AQR: variants seen among roughly 807,000 people sequenced by gnomAD.
AQR encodes the protein aquarius intron-binding spliceosomal factor.
In AQR, 61 loss-of-function variants were observed where a neutral mutation model predicts 180.5. The ratio of observed to expected loss-of-function variants is 0.34; its 90% CI spans 0.28 to 0.42. AQR has a LOEUF of 0.42. Among genes scored for constraint, AQR ranks in the 10% least tolerant of loss-of-function variants. AQR has a pLI of 1.00. For synonymous variants in AQR, 551 were observed against 588.8 expected, an observed-to-expected ratio of 0.94 and a Z score of 0.93; for missense variants, 1,281 against 1,798.3, an observed-to-expected ratio of 0.71 and a Z score of 5.20.
chr15:34,939,559 G>A lies in AQR; in HGVS notation c.642-746C>T, dbSNP rs138261167. Among the ~76,000 whole-genome samples the A allele has an allele frequency of 4.1e-4, 63 of 152,228 alleles. 1 individual carries two copies. Among genetic ancestry groups the A allele is most frequent in the South Asian group, 2.9e-3 (14 of 4,828 alleles). The stretch of plus-strand genomic sequence containing the variant: ...GTATTACAATAGCTAAAGATCAAAT[G>A]TTTAAAAAATAATTTTCTATTCATT... On this transcript the variant is annotated intron_variant, in intron 8 of 34. Coordinates refer to ENST00000156471, the MANE Select transcript of AQR (RefSeq NM_014691.3).
rs1292991745 is a variant in AQR, at chr15:34,853,533, A to C, written c.*3259T>G. 1 of 152,178 alleles carries C rather than the reference A, an allele frequency of 6.6e-6. No individual in the cohort carries two copies. The highest frequency in any genetic ancestry group is 1.5e-5 in the Non-Finnish European group (1 of 68,034). The allele number at this position is 152,178 out of a possible 1,614,324, so 9.4% of individuals were successfully genotyped here. The stretch of plus-strand genomic sequence containing the variant: ...ATGATGTACTGATTCAGAGGTCCCA[A>C]ATCAGTAACCTGATCCTAGATAGAT... On this transcript the variant is annotated 3_prime_UTR_variant, in exon 35 of 35. Transcript: ENST00000156471.
rs1028256486 is a variant in AQR at position 34,910,123 on chromosome 15, A to T, written c.1663+12T>A. 5 of 1,613,430 alleles carry T rather than the reference A, an allele frequency of 3.1e-6. No homozygotes were observed. In the Admixed American group the frequency reaches 8.3e-5, roughly 27 times the overall value. ...GCAAAAGGTAATGTCACTTTTTGAA[A>T]TACAAACTTACCTTCCCATTCATCT... On this transcript the variant is annotated intron_variant, in intron 17 of 34. Coordinates refer to ENST00000156471, the MANE Select transcript of AQR (RefSeq NM_014691.3).
chr15:34,932,226 G>A (rs746957773), intron 11 of AQR, 92 bp downstream of exon 11: 75 of 1,026,448 alleles, frequency 7.3e-5, no homozygotes, highest in Non-Finnish European at 1.0e-4. Flanking sequence ...CTAGGAGTTT[G>A]TGTTATGCCC....
At chr15:34,885,138 G>GT (rs1893040451) in intron 25 of AQR, among the ~76,000 whole-genome samples, 1 of 152,184 alleles carries the variant, frequency 6.6e-6, no homozygotes, top group Non-Finnish European at 1.5e-5. Flanking sequence ...TCCATATATG[G>GT]TAAGTTCAGC....
chr15:34,906,490 C>A, intron 18 of AQR, 55 bp downstream of exon 18: 2 of 1,560,014 alleles, frequency 1.3e-6, no homozygotes, highest in South Asian at 2.4e-5. Context: ...GGGAAAAAGG[C>A]AAAGAAATTT....
Position 34,884,820 on chromosome 15 carries a change from C to A in AQR, c.2818-86G>T, listed in dbSNP as rs183617079. The A allele has an allele frequency of 5.4e-5, 55 of 1,024,830 alleles. No homozygotes were observed. In the African/African-American group the frequency reaches 7.5e-4, roughly 14 times the overall value. 63.5% of individuals were successfully genotyped at this position (1,024,830 alleles called of 1,614,324 possible). A position where few individuals can be genotyped will look rare whatever the true frequency, so the allele number is the denominator to read the frequency against. The stretch of plus-strand genomic sequence containing the variant: ...TGAATAAATCTTATAAAAACAAGAT[C>A]TGCTAGGTGAAAAAGAAAAAAAAAG... On this transcript the variant is annotated intron_variant, in intron 25 of 34. Transcript: ENST00000156471.
intron 1 of AQR, among the ~76,000 whole-genome samples, chr15:34,965,542 G>A (rs1259979169): frequency 1.3e-5 from 2 of 152,090 alleles, no homozygotes; most frequent in African/African-American, 2.4e-5. Flanking sequence ...TTGGTGGTGT[G>A]CACCTATAAT....
intron 34 of AQR, among the ~76,000 whole-genome samples, chr15:34,858,592 G>C (rs78953492): frequency 0.07 from 10,583 of 152,168 alleles, 683 homozygotes; most frequent in African/African-American, 0.17. Context: ...CCTGCTGATT[G>C]TAAAATGTAT....
chr15:34,895,433 C>T (rs867825426), intron 22 of AQR, among the ~76,000 whole-genome samples: 2 of 151,368 alleles, frequency 1.3e-5, no homozygotes, highest in Non-Finnish European at 2.9e-5. Flanking sequence ...GATAAAGCAA[C>T]ATACCTAAAG....
intron 5 of AQR, among the ~76,000 whole-genome samples, chr15:34,945,467 A>T (rs1035753222): frequency 6.6e-6 from 1 of 152,180 alleles, no homozygotes; most frequent in Admixed American, 6.5e-5. Context: ...ATATCCTCTA[A>T]ATCTGTATTA....
At chr15:34,862,664 C>A (rs988015657) in intron 33 of AQR, among the ~76,000 whole-genome samples, 2 of 152,132 alleles carry the variant, frequency 1.3e-5, no homozygotes, top group African/African-American at 4.8e-5. Flanking sequence ...TCCCAAAGTG[C>A]TGGGATTACA....
chr15:34,890,081 T>C (rs1893120508), intron 24 of AQR, 134 bp downstream of exon 24: 3 of 683,866 alleles, frequency 4.4e-6, no homozygotes, highest in South Asian at 4.4e-5. Flanking sequence ...GCTCAACATA[T>C]AGTCTTAGTA....
chr15:34,863,941 C>T (rs1399270674), intron 32 of AQR, among the ~76,000 whole-genome samples: 2 of 151,820 alleles, frequency 1.3e-5, no homozygotes, highest in South Asian at 2.1e-4. Flanking sequence ...TTTTTGAGTA[C>T]TCTGCAAAAG....
At position 34,969,529 on chromosome 15, in the gene AQR, C is replaced by T; in HGVS notation, c.75+10G>A. On this transcript the variant is annotated intron_variant, in intron 1 of 34. Transcript: ENST00000156471. Reference sequence around the variant, plus strand: ...ACCCACTCACACACACCAGACTCGCCCGAGCTCACCTGGGTCACGAACTCC... The same window carrying T: ...ACCCACTCACACACACCAGACTCGCTCGAGCTCACCTGGGTCACGAACTCC... The T allele has an allele frequency of 6.2e-7, 1 of 1,613,526 alleles. No homozygotes were observed. The highest frequency in any genetic ancestry group is 8.5e-7 in the Non-Finnish European group (1 of 1,179,992).
chr15:34,905,312 G>A, intron 18 of AQR, among the ~76,000 whole-genome samples: 1 of 151,898 alleles, frequency 6.6e-6, no homozygotes, highest in East Asian at 1.9e-4. Context: ...CAACCAAATT[G>A]TAAAATAAGC....
chr15:34,967,657 A>G (rs2050317096), intron 1 of AQR, among the ~76,000 whole-genome samples: 1 of 152,208 alleles, frequency 6.6e-6, no homozygotes, highest in South Asian at 2.1e-4. Flanking sequence ...AGCATGGCAC[A>G]TTCAAATAAA....
chr15:34,906,665 TTGTG>T lies in AQR; in HGVS notation c.1707_1710del (p.Thr570AsnfsTer68). On this transcript the variant is annotated frameshift_variant, in exon 18 of 35. Coordinates refer to ENST00000156471, the MANE Select transcript of AQR (RefSeq NM_014691.3). LOFTEE classifies it high-confidence loss of function. ...CGGTCAAACTTAGTGCCATAAGGTT[TTGTG>T]GGACGTACGGTAATTAAAAAGCATA... The T allele has an allele frequency of 6.2e-7, 1 of 1,614,092 alleles. No individual in the cohort carries two copies. Among genetic ancestry groups the T allele is most frequent in the East Asian group, 2.2e-5 (1 of 44,870 alleles).
At chr15:34,872,771 A>T (rs1595782358) in intron 30 of AQR, among the ~76,000 whole-genome samples, 1 of 152,246 alleles carries the variant, frequency 6.6e-6, no homozygotes, top group East Asian at 1.9e-4. Context: ...CTGATGATAA[A>T]TGATGCTTTT....
Position 34,880,477 on chromosome 15 carries a change from T to C in AQR, c.3165+2025A>G, listed in dbSNP as rs142924784. Among the ~76,000 whole-genome samples the C allele has an allele frequency of 3.0e-3, 460 of 152,212 alleles. 3 individuals carry two copies. The highest frequency in any genetic ancestry group is 0.01 in the African/African-American group (422 of 41,526). On this transcript the variant is annotated intron_variant, in intron 27 of 34. Transcript: ENST00000156471. ...GTGTCTAAATGTACTAAGAAAATAT[T>C]TAAAAACTAAACACAGTTTTGGGTT...
Sources: allele counts gnomAD v4.1 joint callset (sites outside exome capture counted in the v4.1 genomes callset), GRCh38; gene constraint gnomAD v4.1.1; transcripts MANE v1.5; gene names NCBI Gene and HGNC (gene_info 2026-07-23, HGNC 2026-07-21).